Variants in LAPTM4B observed in about 807,000 individuals in gnomAD.
The protein encoded by LAPTM4B is lysosomal protein transmembrane 4 beta.
Under a neutral mutation model 28.5 loss-of-function variants are expected in LAPTM4B, and 26 were observed. The observed-to-expected ratio is 0.91, with a 90% CI of 0.67 to 1.27. The LOEUF is 1.27. Among genes scored for constraint, LAPTM4B ranks in the 50% most tolerant of loss-of-function variants. The probability of loss-of-function intolerance (pLI) is 0.00; values close to 1 mark genes in which losing one functional copy is unlikely to be tolerated. For missense variants in LAPTM4B, 288 were observed against 285.8 expected (o/e 1.01, Z -0.06); for synonymous variants, 109 against 106.4 (o/e 1.02, Z -0.15).
At chr8:97,782,090 C>T (rs1421315914) in intron 1 of LAPTM4B, among the ~76,000 whole-genome samples, 1 of 151,456 alleles carries the variant, frequency 6.6e-6, no homozygotes, top group Non-Finnish European at 1.5e-5. Flanking sequence ...AAGCAATTCT[C>T]CTGCCTCAGC....
At chr8:97,812,501 C>T (rs181033291) in intron 2 of LAPTM4B, among the ~76,000 whole-genome samples, 50 of 152,216 alleles carry the variant, frequency 3.3e-4, no homozygotes, top group Middle Eastern at 3.4e-3. Context: ...ACGACTGCGC[C>T]CGTCCTAAAT....
chr8:97,848,456 TTTTGA>T (rs1021770688), intron 6 of LAPTM4B, among the ~76,000 whole-genome samples: 1 of 151,860 alleles, frequency 6.6e-6, no homozygotes. Context: ...ATTTTGGAGA[TTTTGA>T]TTTGAATATT....
At chr8:97,780,129 T>G (rs2129716008) in intron 1 of LAPTM4B, among the ~76,000 whole-genome samples, 1 of 150,984 alleles carries the variant, frequency 6.6e-6, no homozygotes, top group South Asian at 2.1e-4. Context: ...GGCAGATATT[T>G]AAATAAGAGT....
chr8:97,786,635 G>A (rs140720128), intron 1 of LAPTM4B, among the ~76,000 whole-genome samples: 9,131 of 151,276 alleles, frequency 0.06, 668 homozygotes, highest in East Asian at 0.28. Context: ...GGAGGCGGAG[G>A]TTGTGGTGAG....
intron 6 of LAPTM4B, 30 bp downstream of exon 6, chr8:97,825,183 C>A: frequency 1.7e-6 from 2 of 1,145,620 alleles, no homozygotes; most frequent in Non-Finnish European, 2.6e-6. Context: ...TGGTAGAGAT[C>A]TCGCCCACAC....
chr8:97,792,840 A>G (rs1210661881), intron 1 of LAPTM4B, among the ~76,000 whole-genome samples: 1 of 152,190 alleles, frequency 6.6e-6, no homozygotes, highest in Admixed American at 6.5e-5. Flanking sequence ...AGTCTTCCAA[A>G]GTGCTGGGAT....
intron 1 of LAPTM4B, among the ~76,000 whole-genome samples, chr8:97,782,131 C>T (rs927360556): frequency 1.4e-4 from 22 of 151,798 alleles, no homozygotes; most frequent in Non-Finnish European, 3.2e-4. Flanking sequence ...CAGGCATGCG[C>T]CACCACACCT....
At chr8:97,809,946 A>T (rs1297285160) in intron 2 of LAPTM4B, among the ~76,000 whole-genome samples, 1 of 152,152 alleles carries the variant, frequency 6.6e-6, no homozygotes, top group Non-Finnish European at 1.5e-5. Flanking sequence ...TTTATTTTTG[A>T]GGCTGGGTCC....
chr8:97,777,306 C>T (rs534136322), intron 1 of LAPTM4B, among the ~76,000 whole-genome samples: 69 of 151,896 alleles, frequency 4.5e-4, no homozygotes, highest in African/African-American at 1.5e-3. Flanking sequence ...GCCACTATGC[C>T]TAGCTAATTT....
Position 97,846,327 on chromosome 8 carries a change from A to ATT in LAPTM4B, c.604-5053_604-5052dup, listed in dbSNP as rs57959152. Among the ~76,000 whole-genome samples the ATT allele has an allele frequency of 1.8e-3, 248 of 138,892 alleles. 2 individuals are homozygous for ATT. Among genetic ancestry groups the ATT allele is most frequent in the Non-Finnish European group, 2.5e-3 (162 of 64,614 alleles). The allele number at this position is 138,892 out of a possible 152,430, so 91.1% of individuals were successfully genotyped here. A position where few individuals can be genotyped will look rare whatever the true frequency, so the allele number is the denominator to read the frequency against. On this transcript the variant is annotated intron_variant, in intron 6 of 6. Coordinates refer to ENST00000521545, the MANE Select transcript of LAPTM4B (RefSeq NM_018407.6). The stretch of plus-strand genomic sequence containing the variant: ...AGTTCAGTTCTAACCAGAGTATCCA[A>ATT]TTTTTTTTTTTTTTTTTTGAGATGG...
chr8:97,821,141 TC>T (rs1295639560), intron 5 of LAPTM4B, among the ~76,000 whole-genome samples: 1 of 151,270 alleles, frequency 6.6e-6, no homozygotes, highest in African/African-American at 2.4e-5. Context: ...ATCGAGACCA[TC>T]CTGGCTAACA....
At chr8:97,810,324 A>C (rs1816808005) in intron 2 of LAPTM4B, among the ~76,000 whole-genome samples, 1 of 152,206 alleles carries the variant, frequency 6.6e-6, no homozygotes, top group African/African-American at 2.4e-5. Context: ...ATCCTGGATT[A>C]GATTCTGGAA....
chr8:97,831,976 C>T (rs370699000), intron 6 of LAPTM4B, among the ~76,000 whole-genome samples: 5 of 152,106 alleles, frequency 3.3e-5, no homozygotes, highest in African/African-American at 1.2e-4. Context: ...GTCACAGGAG[C>T]CTTCTGCTTT....
At position 97,817,445 on chromosome 8, in the gene LAPTM4B, CTTT is replaced by C. The variant is rs753483537; in HGVS notation, c.408+1283_408+1285del. 8.2e-3 allele frequency among the ~76,000 whole-genome samples: 726 copies of C among 88,966 alleles called. 5 individuals carry two copies. The highest frequency in any genetic ancestry group is 0.026 in the African/African-American group (675 of 26,040). The allele number at this position is 88,966 out of a possible 152,430, so 58.4% of individuals were successfully genotyped here. A position where few individuals can be genotyped will look rare whatever the true frequency, so the allele number is the denominator to read the frequency against. Reference sequence around the variant, plus strand: ...GACTCACTGTACCAGGCCAACTTTACTTTTTTTTTTTTTTTTTTTTGAGACAGA... The same window carrying C: ...GACTCACTGTACCAGGCCAACTTTACTTTTTTTTTTTTTTTTTGAGACAGA... On this transcript the variant is annotated intron_variant, in intron 4 of 6. Coordinates refer to ENST00000521545, the MANE Select transcript of LAPTM4B (RefSeq NM_018407.6).
chr8:97,851,421 G>A lies in LAPTM4B; in HGVS notation c.628G>A (p.Ala210Thr), dbSNP rs776066178. The A allele has an allele frequency of 2.5e-6, 4 of 1,614,134 alleles. 1 individual carries two copies. Among genetic ancestry groups the A allele is most frequent in the Admixed American group, 3.3e-5 (2 of 60,020 alleles). The change falls in exon 7 of 7, where the codon GCC becomes ACC. Residue 210 changes from alanine (A) to threonine (T), a missense_variant. Transcript: ENST00000521545. ...GGTGCTGCTACCCCCGTATGATGAT[G>A]CCACTGTGAATGGTGCTGCCAAGGA... ...TTVLLPPYDD[A>T]TVNGAAKEPP...
At position 97,841,034 on chromosome 8, in the gene LAPTM4B, G is replaced by A. The variant is rs373635505; in HGVS notation, c.604-10363G>A. Among the ~76,000 whole-genome samples the A allele has an allele frequency of 1.5e-4, 22 of 147,926 alleles. No homozygotes were observed. In the East Asian group the frequency reaches 3.1e-3, roughly 21 times the overall value. The stretch of plus-strand genomic sequence containing the variant: ...CTCCTTACATCCCAGATGGGGCGGC[G>A]GCTGGGCAGAGGCACTCCTCACTTC... On this transcript the variant is annotated intron_variant, in intron 6 of 6. Transcript: ENST00000521545.
rs533279942 is a variant in LAPTM4B, at chr8:97,824,253, G to A, written c.508-805G>A. 9.0e-4 allele frequency among the ~76,000 whole-genome samples: 137 copies of A among 152,162 alleles called. 1 individual carries two copies. Among genetic ancestry groups the A allele is most frequent in the Non-Finnish European group, 1.8e-3 (121 of 68,010 alleles). On this transcript the variant is annotated intron_variant, in intron 5 of 6. Transcript: ENST00000521545. ...CTGTTGTAACTCTGTTTAACCTTTCGAACTGCCGGACTTTTCCAGAGTGGC... is the reference window on the plus strand; with the variant it reads ...CTGTTGTAACTCTGTTTAACCTTTCAAACTGCCGGACTTTTCCAGAGTGGC...
intron 2 of LAPTM4B, among the ~76,000 whole-genome samples, chr8:97,807,210 G>A (rs892609835): frequency 1.3e-5 from 2 of 152,172 alleles, no homozygotes; most frequent in African/African-American, 4.8e-5. Context: ...TTATCATTGT[G>A]TGCCTCAATT....
At chr8:97,786,714 A>C (rs530063587) in intron 1 of LAPTM4B, among the ~76,000 whole-genome samples, 3 of 151,228 alleles carry the variant, frequency 2.0e-5, no homozygotes, top group East Asian at 1.9e-4. Flanking sequence ...AAAAAAAAAA[A>C]AAACCATTAA....
Sources: gnomAD v4.1 joint callset for allele counts (sites outside exome capture counted in the v4.1 genomes callset) on GRCh38, gnomAD v4.1.1 for gene constraint, MANE v1.5 for transcripts, NCBI Gene and HGNC (gene_info 2026-07-23, HGNC 2026-07-21) for gene names.